Variants in GFPT1 observed in about 807,000 individuals in gnomAD.
The protein encoded by GFPT1 is glutamine--fructose-6-phosphate aminotransferase [isomerizing] 1.
Under a neutral mutation model 92.0 loss-of-function variants are expected in GFPT1, and 40 were observed. That is an observed-to-expected ratio of 0.43 (90% CI 0.34 to 0.57). GFPT1 has a LOEUF of 0.57. Ranked by LOEUF, GFPT1 falls within the 20% of genes least tolerant of loss-of-function variation. The pLI is 0.02. For missense variants in GFPT1, 448 were observed against 869.1 expected (o/e 0.52, Z 6.09); for synonymous variants, 269 against 280.6 (o/e 0.96, Z 0.41).
intron 9 of GFPT1, among the ~76,000 whole-genome samples, chr2:69,352,390 G>A (rs1307039068): frequency 1.3e-5 from 2 of 151,648 alleles, no homozygotes; most frequent in Non-Finnish European, 2.9e-5. Flanking sequence ...CGAGGTGGGC[G>A]GATCATGAGG....
chr2:69,321,208 T>C lies in GFPT1; in HGVS notation c.*4981A>G, dbSNP rs1322560461. 1 of 152,174 alleles carries C rather than the reference T, an allele frequency of 6.6e-6. No individual in the cohort carries two copies. Among genetic ancestry groups the C allele is most frequent in the African/African-American group, 2.4e-5 (1 of 41,442 alleles). 9.4% of individuals were successfully genotyped at this position (152,174 alleles called of 1,614,324 possible). A position where few individuals can be genotyped will look rare whatever the true frequency, so the allele number is the denominator to read the frequency against. ...TACCCCGTAAACTTCCTATAAACAA[T>C]ATGTTATTGCAAAATGTTTTAAAAG... On this transcript the variant is annotated 3_prime_UTR_variant, in exon 20 of 20. Coordinates refer to ENST00000357308, the MANE Select transcript of GFPT1 (RefSeq NM_001244710.2).
chr2:69,357,449 C>T (rs1370611576), intron 6 of GFPT1, among the ~76,000 whole-genome samples: 7 of 152,132 alleles, frequency 4.6e-5, no homozygotes, highest in African/African-American at 1.7e-4. Flanking sequence ...CACCTTGGAA[C>T]ACAAACTGGA....
chr2:69,340,445 G>A (rs1039841691), intron 13 of GFPT1, among the ~76,000 whole-genome samples: 9 of 152,074 alleles, frequency 5.9e-5, no homozygotes, highest in Non-Finnish European at 7.3e-5. Context: ...ATTTTGAAAA[G>A]CATATTAAGT....
intron 9 of GFPT1, among the ~76,000 whole-genome samples, chr2:69,352,837 G>A (rs546043566): frequency 6.6e-6 from 1 of 152,024 alleles, no homozygotes; most frequent in East Asian, 1.9e-4. Flanking sequence ...CCTGAGGTCA[G>A]GAGTTCGAGA....
chr2:69,329,660 T>A (rs753257866), intron 16 of GFPT1, 24 bp downstream of exon 16: 33 of 1,457,864 alleles, frequency 2.3e-5, no homozygotes, highest in Non-Finnish European at 3.1e-5. Flanking sequence ...ACAACAAAAG[T>A]GTAATATATG....
At chr2:69,384,693 C>CAAAAAAAAA (rs71964630) in intron 1 of GFPT1, among the ~76,000 whole-genome samples, 10 of 106,594 alleles carry the variant, frequency 9.4e-5, no homozygotes, top group Non-Finnish European at 1.1e-4. Context: ...GGCCCCGTCA[C>CAAAAAAAAA]AAAAAAAAAA....
At chr2:69,375,852 T>C (rs190155455) in intron 1 of GFPT1, among the ~76,000 whole-genome samples, 5 of 152,334 alleles carry the variant, frequency 3.3e-5, no homozygotes, top group Admixed American at 1.3e-4. Context: ...ATAAACAACA[T>C]GCTGCTTAAG....
At chr2:69,376,132 G>A (rs6747567) in intron 1 of GFPT1, among the ~76,000 whole-genome samples, 2 of 151,904 alleles carry the variant, frequency 1.3e-5, no homozygotes, top group African/African-American at 4.8e-5. Flanking sequence ...GATTAAACAC[G>A]TACAGATAAC....
intron 3 of GFPT1, among the ~76,000 whole-genome samples, chr2:69,364,553 G>T (rs1409221990): frequency 6.6e-6 from 1 of 152,154 alleles, no homozygotes; most frequent in Non-Finnish European, 1.5e-5. Context: ...CAATTTCTTT[G>T]GTCTCTGGTG....
chr2:69,378,645 G>C (rs1407609288), intron 1 of GFPT1, among the ~76,000 whole-genome samples: 1 of 152,196 alleles, frequency 6.6e-6, no homozygotes, highest in Non-Finnish European at 1.5e-5. Flanking sequence ...CTGGTTGAAA[G>C]CAATGTAGCT....
At chr2:69,386,166 C>T (rs1672123430) in intron 1 of GFPT1, among the ~76,000 whole-genome samples, 1 of 152,096 alleles carries the variant, frequency 6.6e-6, no homozygotes, top group Non-Finnish European at 1.5e-5. Context: ...TCATGTCAGA[C>T]ACGATTCTCA....
At chr2:69,350,847 G>C (rs1339731873) in intron 9 of GFPT1, among the ~76,000 whole-genome samples, 1 of 150,148 alleles carries the variant, frequency 6.7e-6, no homozygotes, top group Non-Finnish European at 1.5e-5. Context: ...AGGCTGCAGT[G>C]AGCCGAAATC....
intron 9 of GFPT1, among the ~76,000 whole-genome samples, chr2:69,353,911 A>G (rs1671272083): frequency 6.6e-6 from 1 of 152,208 alleles, no homozygotes; most frequent in Non-Finnish European, 1.5e-5. Context: ...TGATTCAAAT[A>G]ACTACCACTT....
At chr2:69,345,883 A>C in intron 12 of GFPT1, 21 bp downstream of exon 12, 4 of 1,269,744 alleles carry the variant, frequency 3.2e-6, no homozygotes, top group African/African-American at 1.5e-5. Flanking sequence ...TGAAATAATA[A>C]AATAATTCAT....
chr2:69,344,267 T>G (rs1671027820), intron 12 of GFPT1, among the ~76,000 whole-genome samples: 1 of 150,412 alleles, frequency 6.6e-6, no homozygotes, highest in Admixed American at 6.6e-5. Flanking sequence ...ATGACATGGA[T>G]GTAAGACAGT....
At chr2:69,381,863 C>CTTT (rs200800795) in intron 1 of GFPT1, among the ~76,000 whole-genome samples, 2 of 143,060 alleles carry the variant, frequency 1.4e-5, no homozygotes, top group African/African-American at 5.2e-5. Context: ...ACTTATAACT[C>CTTT]TTTTTTTTTT....
At chr2:69,326,455 C>T (rs933698273) in intron 19 of GFPT1, among the ~76,000 whole-genome samples, 15 of 152,120 alleles carry the variant, frequency 9.9e-5, no homozygotes, top group Non-Finnish European at 1.9e-4. Context: ...CTAAAGGTGC[C>T]AGTTCACACA....
At chr2:69,345,866 G>C (rs374502518) in intron 12 of GFPT1, 38 bp downstream of exon 12, 2 of 1,129,270 alleles carry the variant, frequency 1.8e-6, no homozygotes, top group Non-Finnish European at 2.7e-6. Context: ...CCTACTGTCA[G>C]AGACACTGAA....
chr2:69,372,051 T>A (rs866932299), intron 2 of GFPT1, among the ~76,000 whole-genome samples: 21 of 148,934 alleles, frequency 1.4e-4, no homozygotes, highest in Admixed American at 3.4e-4. Context: ...AATACAAAAA[T>A]TAGCTGGGTG....
Sources: gnomAD v4.1 joint callset for allele counts (sites outside exome capture counted in the v4.1 genomes callset) on GRCh38, gnomAD v4.1.1 for gene constraint, MANE v1.5 for transcripts, NCBI Gene and HGNC (gene_info 2026-07-23, HGNC 2026-07-21) for gene names.